HEXIM2: variants seen among roughly 807,000 people sequenced by gnomAD.
The protein encoded by HEXIM2 is protein HEXIM2.
For missense variants in HEXIM2, 413 were observed against 390.8 expected, an observed-to-expected ratio of 1.06 and a Z score of -0.48; for synonymous variants, 159 against 162.7, an observed-to-expected ratio of 0.98 and a Z score of 0.17.
chr17:45,163,880 C>T lies in HEXIM2; in HGVS notation c.66+1021C>T, dbSNP rs575391298. ...GAAACAAAAACAAAAACAGGCCAGGCGCAGTGGCTCACGCCTGTAATCCTA... is the reference window on the plus strand; with the variant it reads ...GAAACAAAAACAAAAACAGGCCAGGTGCAGTGGCTCACGCCTGTAATCCTA... On this transcript the variant is annotated intron_variant, in intron 3 of 3. Transcript: ENST00000589230. Among the ~76,000 whole-genome samples, 102 of 151,110 alleles carry T rather than the reference C, an allele frequency of 6.8e-4. No homozygotes were observed. In the South Asian group the frequency reaches 0.021, roughly 31 times the overall value.
In HEXIM2 at chr17:45,169,275, C is replaced by G. The variant is rs767046158; in HGVS notation, c.327C>G (p.Ser109Arg). The G allele has an allele frequency of 1.9e-6, 3 of 1,613,806 alleles. No homozygotes were observed. Among genetic ancestry groups the G allele is most frequent in the South Asian group, 1.1e-5 (1 of 91,076 alleles). The change falls in exon 4 of 4, where the codon AGC becomes AGG. Residue 109 changes from serine (S) to arginine (R), a missense_variant. By Grantham distance (110) the Ser-to-Arg change is moderately radical. Transcript: ENST00000589230. ...KRHWRPYLEL[S>R]WAEKQQRDER... ...ACTGGCGACCCTACCTGGAGCTGAG[C>G]TGGGCTGAGAAACAACAGCGGGATG...
chr17:45,168,816 G>A, intron 3 of HEXIM2, 199 bp from the exon 4 acceptor site: 1 of 620,676 alleles, frequency 1.6e-6, no homozygotes. Context: ...CTCTCACCAT[G>A]AGTTTACTTG....
chr17:45,169,669 A>C lies in HEXIM2; in HGVS notation c.721A>C (p.Thr241Pro). Residue 241 changes from threonine (T) to proline (P), a missense_variant, in exon 4 of 4, where the codon ACC becomes CCC. Thr to Pro is a conservative substitution (Grantham distance 38). Transcript: ENST00000589230. ...GAGGCTGCAGCAGCTGCAGGCGTGC[A>C]CCGGCCAGCAGTCCTGCCGCCAGGT... ...TRRLQQLQAC[T>P]GQQSCRQVEE... The C allele has an allele frequency of 6.5e-7, 1 of 1,533,882 alleles. No homozygotes were observed. The highest frequency in any genetic ancestry group is 2.5e-5 in the East Asian group (1 of 40,604).
chr17:45,161,835 G>A (rs73316988), upstream of HEXIM2: 1,152 of 985,562 alleles, frequency 1.2e-3, 13 homozygotes, highest in African/African-American at 0.019. Flanking sequence ...TTTCAGGCCA[G>A]AAGAACTACA....
At chr17:45,161,867 T>G, upstream of HEXIM2, 1 of 985,688 alleles carries the variant, frequency 1.0e-6, no homozygotes, top group Non-Finnish European at 1.2e-6. Flanking sequence ...GCACCGCGCG[T>G]CCAGGCTCTC....
At chr17:45,161,769 A>C, upstream of HEXIM2, 1 of 927,946 alleles carries the variant, frequency 1.1e-6, no homozygotes. Flanking sequence ...GCGCAAGGGT[A>C]GATGGGTTTT....
upstream of HEXIM2, chr17:45,160,798 G>C: frequency 1.5e-6 from 1 of 653,940 alleles, no homozygotes; most frequent in Non-Finnish European, 2.4e-6. Flanking sequence ...AAGAGCCTCA[G>C]AGACCTTCAG....
upstream of HEXIM2, chr17:45,161,751 C>A: frequency 1.2e-6 from 1 of 826,444 alleles, no homozygotes; most frequent in Non-Finnish European, 1.5e-6. Flanking sequence ...CGCGCGCGGT[C>A]TGCCCCCGCG....
At chr17:45,160,870 G>A (rs2042664123), upstream of HEXIM2, 2 of 1,284,408 alleles carry the variant, frequency 1.6e-6, no homozygotes, top group South Asian at 1.2e-5. Flanking sequence ...GGAATTAGTG[G>A]TTGCTACAGT....
chr17:45,168,844 G>C, intron 3 of HEXIM2, 171 bp from the exon 4 acceptor site: 1 of 694,268 alleles, frequency 1.4e-6, no homozygotes, highest in Non-Finnish European at 2.5e-6. Context: ...TTGGGGGACA[G>C]ACAGTAGACA....
rs768692619 is a variant in HEXIM2, at chr17:45,169,351, G to A, written c.403G>A (p.Gly135Ser). Residue 135 changes from glycine to serine, a missense_variant, in exon 4 of 4, where the codon GGC becomes AGC. Coordinates refer to ENST00000589230, the MANE Select transcript of HEXIM2 (RefSeq NM_001303441.2). ...SRVREEMFAK[G>S]QPVAPYNTTQ... The stretch of plus-strand genomic sequence containing the variant: ...GGTCCGCGAAGAGATGTTCGCCAAA[G>A]GCCAGCCCGTGGCCCCCTACAACAC... 1 of 1,613,774 alleles carries A rather than the reference G, an allele frequency of 6.2e-7. No individual in the cohort carries two copies. The highest frequency in any genetic ancestry group is 8.5e-7 in the Non-Finnish European group (1 of 1,180,028).
upstream of HEXIM2, chr17:45,161,052 G>A: frequency 1.1e-6 from 1 of 914,970 alleles, no homozygotes; most frequent in Non-Finnish European, 1.5e-6. Context: ...CCAGCCTCTG[G>A]AATCTGGCGT....
chr17:45,164,016 G>A (rs1254282137), intron 3 of HEXIM2, among the ~76,000 whole-genome samples: 6 of 150,970 alleles, frequency 4.0e-5, no homozygotes, highest in Non-Finnish European at 4.4e-5. Context: ...TTAGATGGGC[G>A]TAATGACAGG....
At chr17:45,161,160 C>A, upstream of HEXIM2, 1 of 376,008 alleles carries the variant, frequency 2.7e-6, no homozygotes, top group South Asian at 1.9e-5. Flanking sequence ...TGGCAGAGCT[C>A]GGCCTCAGGA....
Position 45,169,160 on chromosome 17 carries a change from G to A in HEXIM2, c.212G>A (p.Ser71Asn). 1.9e-6 allele frequency: 3 copies of A among 1,613,842 alleles called. No individual in the cohort carries two copies. The highest frequency in any genetic ancestry group is 2.5e-6 in the Non-Finnish European group (3 of 1,180,042). ...GGTGGCCTGGGCTGGAACAGTAGGA[G>A]TCCCCGGACCCAGAGCCCAGGGGGC... Reference protein sequence around the residue: ...AVGGLGWNSRSPRTQSPGGCS... With the variant: ...AVGGLGWNSRNPRTQSPGGCS... The change falls in exon 4 of 4, where the codon AGT (serine) becomes AAT (asparagine). Residue 71 changes from serine to asparagine, a missense_variant. Ser to Asn is a conservative substitution (Grantham distance 46, BLOSUM62 1). Transcript: ENST00000589230.
upstream of HEXIM2, chr17:45,161,821 C>G: frequency 1.0e-6 from 1 of 985,462 alleles, no homozygotes; most frequent in Non-Finnish European, 1.2e-6. Context: ...GCCCTTGGAT[C>G]GCTTTTCAGG....
intron 3 of HEXIM2, among the ~76,000 whole-genome samples, chr17:45,165,026 G>A (rs1369261869): frequency 1.3e-5 from 2 of 152,192 alleles, no homozygotes; most frequent in Non-Finnish European, 1.5e-5. Context: ...GTAGGGCTAG[G>A]GGGCTGGGCT....
At chr17:45,161,420 C>G (rs1440193557), upstream of HEXIM2, 1 of 178,662 alleles carries the variant, frequency 5.6e-6, no homozygotes, top group Non-Finnish European at 1.2e-5. Context: ...TCGGCCCGGC[C>G]TCTCCCCGCG....
At chr17:45,167,616 TTTTGTTTG>T (rs142898515) in intron 3 of HEXIM2, among the ~76,000 whole-genome samples, 4 of 151,688 alleles carry the variant, frequency 2.6e-5, no homozygotes, top group East Asian at 3.9e-4. Flanking sequence ...TAAGAGTCTT[TTTTGTTTG>T]TTTGTTTGTT....
Sources: gnomAD v4.1 joint callset for allele counts (sites outside exome capture counted in the v4.1 genomes callset) on GRCh38, gnomAD v4.1.1 for gene constraint, MANE v1.5 for transcripts, NCBI Gene and HGNC (gene_info 2026-07-23, HGNC 2026-07-21) for gene names.